Variants in SLC27A1 observed in about 807,000 individuals in gnomAD.
SLC27A1 encodes the protein long-chain fatty acid transport protein 1.
Under a neutral mutation model 62.2 loss-of-function variants are expected in SLC27A1, and 61 were observed. The ratio of observed to expected loss-of-function variants is 0.98; its 90% CI spans 0.80 to 1.21. SLC27A1 has a LOEUF of 1.21. Ranked by LOEUF, SLC27A1 falls within the 50% of genes most tolerant of loss-of-function variation. SLC27A1 has a pLI of 0.00. For missense variants in SLC27A1, 903 were observed against 932.1 expected (o/e 0.97, Z 0.41); for synonymous variants, 435 against 408.6 (o/e 1.06, Z -0.78).
chr19:17,469,905 G>C (rs991376811), upstream of SLC27A1, among the ~76,000 whole-genome samples: 7 of 149,376 alleles, frequency 4.7e-5, no homozygotes, highest in African/African-American at 7.4e-5. Context: ...CTTATTGCGG[G>C]GGGGTGGGGA....
chr19:17,500,856 T>C lies in SLC27A1; in HGVS notation c.1616T>C (p.Val539Ala). Residue 539 changes from valine (V) to alanine (A), a missense_variant, in exon 10 of 12, where the codon GTC (valine) becomes GCC (alanine). Physicochemically the swap from Val to Ala is moderately conservative, Grantham distance 64. Transcript: ENST00000252595. ...CTGCTGGGCCAGACAGACGTGGCCG[T>C]CTATGGGGTGGCTGTTCCAGGCAAG... ...SRLLGQTDVA[V>A]YGVAVPGVEG... 6.2e-7 allele frequency: 1 copy of C among 1,609,206 alleles called. No homozygotes were observed. The highest frequency in any genetic ancestry group is 8.5e-7 in the Non-Finnish European group (1 of 1,178,512).
chr19:17,499,194 AC>A (rs2075382103), intron 7 of SLC27A1: 1 of 200,294 alleles, frequency 5.0e-6, no homozygotes, highest in African/African-American at 2.4e-5. Context: ...GCTAGACTAG[AC>A]TTCCCAGACG....
intron 6 of SLC27A1, 59 bp from the exon 7 acceptor site, chr19:17,497,196 G>C (rs2075358251): frequency 1.4e-6 from 2 of 1,459,592 alleles, no homozygotes; most frequent in Admixed American, 2.3e-5. Flanking sequence ...TCTCTCCTCT[G>C]ATCCGGGCTC....
In SLC27A1 at chr19:17,478,403, T is replaced by A. The variant is rs1211565390; in HGVS notation, c.167+7696T>A. Among the ~76,000 whole-genome samples the A allele has an allele frequency of 6.1e-5, 8 of 131,258 alleles. No homozygotes were observed. In the East Asian group the frequency reaches 1.4e-3, roughly 22 times the overall value. 86.1% of individuals were successfully genotyped at this position (131,258 alleles called of 152,430 possible). On this transcript the variant is annotated intron_variant, in intron 1 of 11. Coordinates refer to ENST00000252595, the MANE Select transcript of SLC27A1 (RefSeq NM_198580.3). ...AATCGCTTGAACCTGGGAGGCGGAGTCTGCAGTGAGCCAAGATTGTGCCAT... is the reference window on the plus strand; with the variant it reads ...AATCGCTTGAACCTGGGAGGCGGAGACTGCAGTGAGCCAAGATTGTGCCAT...
chr19:17,485,346 C>T (rs552964040), intron 1 of SLC27A1, among the ~76,000 whole-genome samples: 2 of 151,480 alleles, frequency 1.3e-5, no homozygotes, highest in Non-Finnish European at 2.9e-5. Context: ...CCCACCATCA[C>T]GCCTGGCTAA....
chr19:17,482,675 G>T lies in SLC27A1; in HGVS notation c.168-3888G>T, dbSNP rs1423745864. Among the ~76,000 whole-genome samples, 5 of 149,524 alleles carry T rather than the reference G, an allele frequency of 3.3e-5. No homozygotes were observed. The Admixed American group carries it at 3.4e-4, about 10-fold the overall frequency. ...CAAAAAAAAAAAAAAAAAAAAAAAA[G>T]GGTGGGGAGAGAATGGAGCGGGAGG... On this transcript the variant is annotated intron_variant, in intron 1 of 11. Coordinates refer to ENST00000252595, the MANE Select transcript of SLC27A1 (RefSeq NM_198580.3).
chr19:17,489,234 T>A, intron 6 of SLC27A1, 117 bp downstream of exon 6: 1 of 802,088 alleles, frequency 1.2e-6, no homozygotes. Context: ...AAGCCCCACC[T>A]CCTCCTGGTC....
intron 6 of SLC27A1, 68 bp from the exon 7 acceptor site, chr19:17,497,185 GTC>G (rs1033848079): frequency 7.5e-7 from 1 of 1,334,682 alleles, no homozygotes; most frequent in African/African-American, 1.5e-5. Flanking sequence ...CGGTCTCGGG[GTC>G]TCTCCTCTGA....
rs1568424254 is a variant in SLC27A1, at chr19:17,500,371, G to C, written c.1300G>C (p.Asp434His). 6.2e-7 allele frequency: 1 copy of C among 1,614,146 alleles called. No homozygotes were observed. The highest frequency in any genetic ancestry group is 1.1e-5 in the South Asian group (1 of 91,090). Reference protein sequence around the residue: ...VNEDTMELLRDAQGLCIPCQA... With the variant: ...VNEDTMELLRHAQGLCIPCQA... Reference sequence around the variant, plus strand: ...TGAGGACACAATGGAGCTGCTGCGGGATGCCCAGGGCCTCTGCATCCCCTG... The same window carrying C: ...TGAGGACACAATGGAGCTGCTGCGGCATGCCCAGGGCCTCTGCATCCCCTG... The change falls in exon 8 of 12, where the codon GAT (aspartate) becomes CAT (histidine). Residue 434 changes from aspartate (D) to histidine (H), a missense_variant. By Grantham distance (81) the Asp-to-His change is moderately conservative. Coordinates refer to ENST00000252595, the MANE Select transcript of SLC27A1 (RefSeq NM_198580.3).
At chr19:17,475,883 A>G (rs995611493) in intron 1 of SLC27A1, among the ~76,000 whole-genome samples, 2 of 152,080 alleles carry the variant, frequency 1.3e-5, no homozygotes, top group Non-Finnish European at 2.9e-5. Context: ...GCTGCCAGGC[A>G]GGGCTGCCTA....
rs1053266063 is a variant in SLC27A1, at chr19:17,504,465, G to C, written c.1794G>C (p.Lys598Asn). The C allele has an allele frequency of 6.2e-7, 1 of 1,614,020 alleles. No individual in the cohort carries two copies. The highest frequency in any genetic ancestry group is 1.3e-5 in the African/African-American group (1 of 74,928). Reference protein sequence around the residue: ...LPQVDTTGTFKIQKTRLQREG... With the variant: ...LPQVDTTGTFNIQKTRLQREG... Reference sequence around the variant, plus strand: ...CCATCCCCACTATAGGCACCTTCAAGATCCAGAAGACGAGGCTGCAGCGAG... The same window carrying C: ...CCATCCCCACTATAGGCACCTTCAACATCCAGAAGACGAGGCTGCAGCGAG... The change falls in exon 12 of 12, where the codon AAG (lysine) becomes AAC (asparagine). Residue 598 changes from lysine (K) to asparagine (N), a missense_variant. Transcript: ENST00000252595.
rs1358183834 is a variant in SLC27A1 at position 17,486,479 on chromosome 19, G to A, written c.168-84G>A. 9.0e-6 allele frequency: 13 copies of A among 1,445,402 alleles called. No homozygotes were observed. The highest frequency in any genetic ancestry group is 2.4e-5 in the Admixed American group (1 of 42,516). 89.5% of individuals were successfully genotyped at this position (1,445,402 alleles called of 1,614,324 possible). The stretch of plus-strand genomic sequence containing the variant: ...CATCAAAGCCCCTGGCTGCCCTGGG[G>A]TCCTCCAGCGGGGAGGCTGAGGCTC... On this transcript the variant is annotated intron_variant, in intron 1 of 11. Transcript: ENST00000252595. This position sits in a 1 kb window ranked among gnomAD's most constrained non-coding sequence, Gnocchi z 6.6.
At position 17,485,915 on chromosome 19, in the gene SLC27A1, C is replaced by T. The variant is rs191660185; in HGVS notation, c.168-648C>T. Among the ~76,000 whole-genome samples the T allele has an allele frequency of 1.3e-3, 196 of 152,324 alleles. 1 individual carries two copies. In the Middle Eastern group the frequency reaches 0.014, roughly 11 times the overall value. ...CACACAATCATTCAGGAACCCGGCT[C>T]CTTTCACTGGGGGCTCTGCAGTTCC... On this transcript the variant is annotated intron_variant, in intron 1 of 11. Transcript: ENST00000252595.
intron 1 of SLC27A1, chr19:17,483,778 C>T (rs958505006): frequency 6.5e-6 from 1 of 152,792 alleles, no homozygotes; most frequent in Non-Finnish European, 1.5e-5. Context: ...GACCTCCACG[C>T]TGGTCCTCAA....
chr19:17,500,018 C>T (rs973570442), intron 7 of SLC27A1: 8 of 531,768 alleles, frequency 1.5e-5, no homozygotes, highest in Non-Finnish European at 2.3e-5. Context: ...TTCCTGCCAG[C>T]ATGGAGGGTT....
chr19:17,475,497 T>G (rs1323768800), intron 1 of SLC27A1, among the ~76,000 whole-genome samples: 1 of 152,096 alleles, frequency 6.6e-6, no homozygotes, highest in Admixed American at 6.6e-5. Context: ...ATTGCCCCAC[T>G]GCACTCCAGC....
At chr19:17,470,435 C>T (rs1461118223), upstream of SLC27A1, 5 of 1,303,148 alleles carry the variant, frequency 3.8e-6, no homozygotes, top group Admixed American at 3.9e-5. Context: ...AGAGCCGAGG[C>T]CTGGGGGCGC....
Position 17,487,481 on chromosome 19 carries a change from C to A in SLC27A1, c.746C>A (p.Thr249Lys), listed in dbSNP as rs772534830. Reference sequence around the variant, plus strand: ...GCAGATCGTCTTTTCTACATCTACACGTCGGGGACCACCGGGCTGCCCAAG... The same window carrying A: ...GCAGATCGTCTTTTCTACATCTACAAGTCGGGGACCACCGGGCTGCCCAAG... ...GMDDRLFYIY[T>K]SGTTGLPKAA... The change falls in exon 4 of 12, where the codon ACG becomes AAG. Residue 249 changes from threonine to lysine, a missense_variant. Coordinates refer to ENST00000252595, the MANE Select transcript of SLC27A1 (RefSeq NM_198580.3). 1 of 1,604,002 alleles carries A rather than the reference C, an allele frequency of 6.2e-7. No homozygotes were observed. The highest frequency in any genetic ancestry group is 1.1e-5 in the South Asian group (1 of 90,728).
chr19:17,488,648 C>T, intron 4 of SLC27A1, 200 bp from the exon 5 acceptor site: 1 of 608,780 alleles, frequency 1.6e-6, no homozygotes, highest in South Asian at 1.9e-5. Context: ...CCCCTCTATG[C>T]CCCTTGACCC....
Sources: gnomAD v4.1 joint callset for allele counts (sites outside exome capture counted in the v4.1 genomes callset) on GRCh38, gnomAD v4.1.1 for gene constraint, Gnocchi (gnomAD v3.1) non-coding constraint, MANE v1.5 for transcripts, NCBI Gene and HGNC (gene_info 2026-07-23, HGNC 2026-07-21) for gene names.